The following DYM variants were observed in gnomAD, a reference collection of about 807,000 sequenced individuals.
DYM encodes dyggve-Melchior-Clausen syndrome protein.
DYM carries 78 observed loss-of-function variants against 93.1 expected under a neutral mutation model. The observed-to-expected ratio is 0.84, with a 90% CI of 0.70 to 1.01. The LOEUF is 1.01. Ranked by LOEUF, DYM falls within the 50% of genes least tolerant of loss-of-function variation. The pLI is 0.00. For synonymous variants in DYM, 321 were observed against 319.7 expected (o/e 1.00, Z -0.04); for missense variants, 789 against 845.0 (o/e 0.93, Z 0.82).
At chr18:49,406,140 A>G (rs75295928) in intron 2 of DYM, among the ~76,000 whole-genome samples, 13,913 of 152,212 alleles carry the variant, frequency 0.091, 856 homozygotes, top group East Asian at 0.31. Context: ...GATTTTCTAG[A>G]AGCATATTGT....
At chr18:49,349,499 A>C (rs1402755817) in intron 6 of DYM, among the ~76,000 whole-genome samples, 1 of 152,224 alleles carries the variant, frequency 6.6e-6, no homozygotes, top group Non-Finnish European at 1.5e-5. Context: ...TCCAAAGTGC[A>C]ATTAGGTCAA....
chr18:49,418,932 T>C (rs1157751206), intron 2 of DYM, among the ~76,000 whole-genome samples: 2 of 152,166 alleles, frequency 1.3e-5, no homozygotes, highest in African/African-American at 2.4e-5. Context: ...GTAAACTCAC[T>C]TGTGGCGGTG....
At chr18:49,445,232 T>A (rs1011833573) in intron 1 of DYM, among the ~76,000 whole-genome samples, 4 of 152,180 alleles carry the variant, frequency 2.6e-5, no homozygotes, top group African/African-American at 9.7e-5. Context: ...TATGATTTGG[T>A]CCTTTAGATG....
At chr18:49,075,415 T>C (rs553417545) in intron 17 of DYM, among the ~76,000 whole-genome samples, 1 of 152,150 alleles carries the variant, frequency 6.6e-6, no homozygotes, top group Admixed American at 6.5e-5. Context: ...TTACTCCTTA[T>C]CCCTCTCTTC....
rs976833261 is a variant in DYM at position 49,042,789 on chromosome 18, C to T, written c.*1266G>A. The T allele has an allele frequency of 2.6e-5, 4 of 152,214 alleles. No homozygotes were observed. Among genetic ancestry groups the T allele is most frequent in the African/African-American group, 9.7e-5 (4 of 41,448 alleles). 9.4% of individuals were successfully genotyped at this position (152,214 alleles called of 1,614,324 possible). A position where few individuals can be genotyped will look rare whatever the true frequency, so the allele number is the denominator to read the frequency against. On this transcript the variant is annotated 3_prime_UTR_variant, in exon 18 of 18. Transcript: ENST00000675505. ...ACTGGAAAGGAAGGTCCCAACTGGC[C>T]CTCAATGTGGCCCCAGTGGCTGTTT... is the stretch of plus-strand genomic sequence containing the variant.
intron 17 of DYM, among the ~76,000 whole-genome samples, chr18:49,076,226 G>A (rs1341545171): frequency 1.3e-5 from 2 of 152,122 alleles, no homozygotes; most frequent in African/African-American, 4.8e-5. Flanking sequence ...TATAAAAATA[G>A]TAGCAATCAC....
At chr18:49,360,574 A>G (rs1021442671) in intron 6 of DYM, among the ~76,000 whole-genome samples, 104 of 152,148 alleles carry the variant, frequency 6.8e-4, no homozygotes, top group African/African-American at 2.3e-3. Flanking sequence ...GTGAGCTGAG[A>G]TCACGCCACT....
At chr18:49,157,679 A>G (rs1185073823) in intron 15 of DYM, among the ~76,000 whole-genome samples, 2 of 152,152 alleles carry the variant, frequency 1.3e-5, no homozygotes, top group African/African-American at 4.8e-5. Flanking sequence ...TATCAGATGG[A>G]TTATTTGCAA....
At chr18:49,102,600 C>T (rs1357953220) in intron 16 of DYM, among the ~76,000 whole-genome samples, 5 of 152,022 alleles carry the variant, frequency 3.3e-5, no homozygotes, top group East Asian at 1.9e-4. Context: ...CAGTGTGTGA[C>T]GTTCCCCTTC....
intron 17 of DYM, among the ~76,000 whole-genome samples, chr18:49,096,784 T>C (rs1344444214): frequency 6.6e-6 from 1 of 152,170 alleles, no homozygotes; most frequent in South Asian, 2.1e-4. Context: ...ACGAAGTGCA[T>C]CTCTTTCCAC....
At chr18:49,186,518 A>G (rs1238256028) in intron 14 of DYM, among the ~76,000 whole-genome samples, 1 of 152,102 alleles carries the variant, frequency 6.6e-6, no homozygotes, top group Non-Finnish European at 1.5e-5. Context: ...AATCCACCAA[A>G]GGTCTGTCCT....
intron 13 of DYM, among the ~76,000 whole-genome samples, chr18:49,222,053 T>G (rs1315573109): frequency 2.0e-5 from 3 of 151,444 alleles, no homozygotes; most frequent in Non-Finnish European, 4.4e-5. Flanking sequence ...AATGTAGAAA[T>G]GACATTATAT....
chr18:49,227,255 T>C (rs1447722824), intron 13 of DYM, among the ~76,000 whole-genome samples: 1 of 152,184 alleles, frequency 6.6e-6, no homozygotes, highest in Non-Finnish European at 1.5e-5. Flanking sequence ...CTCTAAGTTA[T>C]GATTCTTCAA....
chr18:49,208,293 C>A (rs2092621516), intron 14 of DYM, among the ~76,000 whole-genome samples: 1 of 152,038 alleles, frequency 6.6e-6, no homozygotes, highest in Admixed American at 6.6e-5. Flanking sequence ...ACCAGACACA[C>A]TCTGTCTCCA....
chr18:49,321,689 G>A (rs536714659), intron 8 of DYM, among the ~76,000 whole-genome samples: 1 of 152,112 alleles, frequency 6.6e-6, no homozygotes, highest in South Asian at 2.1e-4. Flanking sequence ...AGGAACCACT[G>A]CACAGAAACA....
intron 8 of DYM, among the ~76,000 whole-genome samples, chr18:49,301,394 G>A (rs933662202): frequency 4.6e-5 from 7 of 151,888 alleles, no homozygotes; most frequent in Admixed American, 6.6e-5. Context: ...GGTGGTGGGC[G>A]CCTACAGTCC....
chr18:49,312,493 A>C (rs191274567), intron 8 of DYM, among the ~76,000 whole-genome samples: 3 of 152,168 alleles, frequency 2.0e-5, no homozygotes, highest in African/African-American at 7.2e-5. Context: ...GTCTGAGTCC[A>C]TAAGAGACCC....
In DYM at chr18:49,331,924, C is replaced by A; in HGVS notation, c.703G>T (p.Val235Phe). 6.2e-7 allele frequency: 1 copy of A among 1,614,080 alleles called. No individual in the cohort carries two copies. The highest frequency in any genetic ancestry group is 8.5e-7 in the Non-Finnish European group (1 of 1,179,998). The change falls in exon 8 of 18, where the codon GTT becomes TTT. Residue 235 changes from valine (V) to phenylalanine (F), a missense_variant. Transcript: ENST00000675505. Reference sequence around the variant, plus strand: ...CCCCCATCCGACTGCTGAGGGAAAACATGGGCCCCTGGAGGAGGTGGCTTT... The same window carrying A: ...CCCCCATCCGACTGCTGAGGGAAAAAATGGGCCCCTGGAGGAGGTGGCTTT... ...QEKPPPPGAH[V>F]FPQQSDGGGL...
intron 8 of DYM, among the ~76,000 whole-genome samples, chr18:49,320,317 C>T (rs2062368135): frequency 6.6e-6 from 1 of 152,082 alleles, no homozygotes; most frequent in Non-Finnish European, 1.5e-5. Flanking sequence ...AATGAATACC[C>T]ATAAACTCAG....
Sources: gnomAD v4.1 joint callset for allele counts (sites outside exome capture counted in the v4.1 genomes callset) on GRCh38, gnomAD v4.1.1 for gene constraint, MANE v1.5 for transcripts, NCBI Gene and HGNC (gene_info 2026-07-23, HGNC 2026-07-21) for gene names.